ABCD4: variants seen among roughly 807,000 people sequenced by gnomAD.
ABCD4 encodes lysosomal cobalamin transporter ABCD4.
ABCD4 carries 53 observed loss-of-function variants against 86.3 expected under a neutral mutation model. That is an observed-to-expected ratio of 0.61 (90% confidence interval 0.49 to 0.77). ABCD4 has a LOEUF of 0.77. Ranked by LOEUF, ABCD4 falls within the 30% of genes least tolerant of loss-of-function variation. The pLI is 0.00. For synonymous variants in ABCD4, 328 were observed against 313.6 expected (o/e 1.05, Z -0.49); for missense variants, 757 against 764.5 (o/e 0.99, Z 0.12).
At chr14:74,290,845 A>G (rs1002359217) in intron 11 of ABCD4, among the ~76,000 whole-genome samples, 1 of 151,806 alleles carries the variant, frequency 6.6e-6, no homozygotes, top group Admixed American at 6.6e-5. Context: ...CACCGTGCCC[A>G]TATTTTTAGT....
chr14:74,290,283 G>T lies in ABCD4; in HGVS notation c.1327+8C>A. The T allele has an allele frequency of 6.2e-7, 1 of 1,614,096 alleles. No homozygotes were observed. The highest frequency in any genetic ancestry group is 8.5e-7 in the Non-Finnish European group (1 of 1,179,998). ...CTGGGTCAGAGGCAGGGAGGGCCTG[G>T]CTCTCACCCCGTGTACTCGTCCAGA... On this transcript the variant is annotated splice_region_variant and intron_variant, in intron 12 of 18. Transcript: ENST00000356924.
intron 1 of ABCD4, among the ~76,000 whole-genome samples, chr14:74,300,896 A>T (rs910697298): frequency 2.0e-5 from 3 of 152,098 alleles, no homozygotes; most frequent in Non-Finnish European, 2.9e-5. Context: ...CTCGTTGCCC[A>T]GGCTGGAATG....
chr14:74,302,341 A>G (rs2140157154), intron 1 of ABCD4, among the ~76,000 whole-genome samples: 1 of 152,336 alleles, frequency 6.6e-6, no homozygotes, highest in African/African-American at 2.4e-5. Flanking sequence ...GGTTTAAAGA[A>G]AAATCACAGC....
chr14:74,292,424 G>T, intron 10 of ABCD4, 48 bp from the exon 11 acceptor site: 1 of 1,605,770 alleles, frequency 6.2e-7, no homozygotes, highest in Non-Finnish European at 8.5e-7. Context: ...GCCAGGTGAA[G>T]GTGAACTCCT....
chr14:74,292,461 T>C lies in ABCD4; in HGVS notation c.1029-85A>G. 3.2e-6 allele frequency: 5 copies of C among 1,585,616 alleles called. 1 individual carries two copies. The South Asian group carries it at 5.5e-5, about 18-fold the overall frequency. Reference sequence around the variant, plus strand: ...TTCCTATCTCACACCCACGAGTACATGGTATGTCTCTGTTCCTTTTTTCAC... The same window carrying C: ...TTCCTATCTCACACCCACGAGTACACGGTATGTCTCTGTTCCTTTTTTCAC... On this transcript the variant is annotated intron_variant, in intron 10 of 18. Coordinates refer to ENST00000356924, the MANE Select transcript of ABCD4 (RefSeq NM_005050.4).
At chr14:74,292,052 C>A (rs1055966966) in intron 11 of ABCD4, among the ~76,000 whole-genome samples, 7 of 152,074 alleles carry the variant, frequency 4.6e-5, no homozygotes, top group African/African-American at 1.7e-4. Context: ...CCTGTTATCT[C>A]AGGCAGAAGG....
chr14:74,301,160 C>CT (rs36088801), intron 1 of ABCD4, among the ~76,000 whole-genome samples: 4,648 of 124,328 alleles, frequency 0.037, 163 homozygotes, highest in African/African-American at 0.085. Flanking sequence ...GGCCTAAAAT[C>CT]TTTTTTTTTT....
chr14:74,293,970 G>A (rs1383289528), intron 7 of ABCD4: 1 of 152,228 alleles, frequency 6.6e-6, no homozygotes, highest in African/African-American at 2.4e-5. Flanking sequence ...AGAGGCCACA[G>A]AAGAACTCAT....
intron 5 of ABCD4, 50 bp downstream of exon 5, chr14:74,296,283 A>T: frequency 1.3e-6 from 2 of 1,561,142 alleles, no homozygotes; most frequent in Non-Finnish European, 1.8e-6. Flanking sequence ...GGGAGAGCTG[A>T]CTGAGGGCCC....
At chr14:74,290,253 C>T (rs1218475567) in intron 12 of ABCD4, 38 bp downstream of exon 12, 5 of 1,613,154 alleles carry the variant, frequency 3.1e-6, no homozygotes, top group Admixed American at 3.3e-5. Flanking sequence ...CCCCTAGGGC[C>T]CAGGCTGGGT....
chr14:74,286,501 CCA>C lies in ABCD4; in HGVS notation c.1779_1780del (p.Cys593TrpfsTer38), dbSNP rs1566906720. Reference sequence around the variant, plus strand: ...TCTCATCAGCTCCCATCTTCCTCCTCCACAGAGTTTCAGAACCAAGGAATGAA... The same window carrying C: ...TCTCATCAGCTCCCATCTTCCTCCTCCAGAGTTTCAGAACCAAGGAATGAA... On this transcript the variant is annotated frameshift_variant, in exon 19 of 19. Coordinates refer to ENST00000356924, the MANE Select transcript of ABCD4 (RefSeq NM_005050.4). LOFTEE classifies it high-confidence loss of function. 1.9e-6 allele frequency: 3 copies of C among 1,614,156 alleles called. No homozygotes were observed. The highest frequency in any genetic ancestry group is 2.2e-5 in the South Asian group (2 of 91,094).
chr14:74,301,043 G>A (rs1324813887), intron 1 of ABCD4, among the ~76,000 whole-genome samples: 1 of 152,020 alleles, frequency 6.6e-6, no homozygotes, highest in Admixed American at 6.6e-5. Flanking sequence ...AGTAGGAGAC[G>A]GGGTTTCATC....
chr14:74,297,217 A>T (rs1460721322), intron 4 of ABCD4: 1 of 152,290 alleles, frequency 6.6e-6, no homozygotes, highest in East Asian at 1.9e-4. Flanking sequence ...CTTACACTGA[A>T]ACACTTGCTA....
intron 1 of ABCD4, among the ~76,000 whole-genome samples, chr14:74,301,105 C>T (rs1344000870): frequency 6.6e-6 from 1 of 151,078 alleles, no homozygotes; most frequent in Non-Finnish European, 1.5e-5. Flanking sequence ...CCACCTGCCT[C>T]GGCCTCCCAA....
intron 10 of ABCD4, 82 bp downstream of exon 10, chr14:74,292,469 C>T: frequency 1.3e-6 from 2 of 1,590,254 alleles, no homozygotes; most frequent in South Asian, 1.1e-5. Flanking sequence ...CATGGTATGT[C>T]TCTGTTCCTT....
intron 1 of ABCD4, among the ~76,000 whole-genome samples, chr14:74,301,847 C>T (rs566804022): frequency 1.2e-4 from 18 of 152,038 alleles, no homozygotes; most frequent in Middle Eastern, 3.4e-3. Flanking sequence ...TGCAGTGAGC[C>T]GAGATCATGC....
intron 1 of ABCD4, among the ~76,000 whole-genome samples, chr14:74,301,634 T>C (rs1192552821): frequency 6.6e-6 from 1 of 152,160 alleles, no homozygotes; most frequent in East Asian, 1.9e-4. Context: ...CTTTATGCAC[T>C]GCCCGTCGGG....
intron 7 of ABCD4, 128 bp from the exon 8 acceptor site, chr14:74,293,376 T>C: frequency 1.3e-6 from 1 of 777,648 alleles, no homozygotes; most frequent in Non-Finnish European, 2.1e-6. Flanking sequence ...TCAGGATCTG[T>C]CTACTGGTAG....
intron 13 of ABCD4, 194 bp from the exon 14 acceptor site, chr14:74,289,713 T>A (rs79567228): frequency 7.0e-7 from 1 of 1,438,208 alleles, no homozygotes; most frequent in Admixed American, 2.8e-5. Flanking sequence ...GAAGTGTGTT[T>A]AGGGGGAACA....
Sources: allele counts gnomAD v4.1 joint callset (sites outside exome capture counted in the v4.1 genomes callset), GRCh38; gene constraint gnomAD v4.1.1; transcripts MANE v1.5; gene names NCBI Gene and HGNC (gene_info 2026-07-23, HGNC 2026-07-21).